EGFR: variants seen among roughly 807,000 people sequenced by gnomAD.
EGFR encodes epidermal growth factor receptor.
In EGFR, 58 loss-of-function variants were observed where a neutral mutation model predicts 143.0. The ratio of observed to expected loss-of-function variants is 0.41; its 90% confidence interval spans 0.33 to 0.50. EGFR has a LOEUF of 0.50. Ranked by LOEUF, EGFR falls within the 20% of genes least tolerant of loss-of-function variation. The pLI is 0.39. For synonymous variants in EGFR, 613 were observed against 594.4 expected (o/e 1.03, Z -0.45); for missense variants, 1,307 against 1,579.0 (o/e 0.83, Z 2.92).
intron 18 of EGFR, 53 bp downstream of exon 18, chr7:55,174,096 T>G (rs968703821): frequency 7.6e-5 from 122 of 1,612,314 alleles, no homozygotes; most frequent in Middle Eastern, 1.7e-4. Context: ...TCTCATGGTC[T>G]GGTGGGGAGC....
intron 1 of EGFR, among the ~76,000 whole-genome samples, chr7:55,034,303 G>A (rs762237748): frequency 1.1e-4 from 16 of 151,986 alleles, no homozygotes; most frequent in Non-Finnish European, 2.1e-4. Flanking sequence ...GCCCGACCTC[G>A]GCTCACTGCA....
intron 1 of EGFR, among the ~76,000 whole-genome samples, chr7:55,028,026 A>ATATG (rs1491096841): frequency 1.1e-4 from 12 of 105,758 alleles, no homozygotes; most frequent in South Asian, 3.0e-4. Flanking sequence ...ATATATATAT[A>ATATG]CACACACACA....
rs17337367 is a variant in EGFR, at chr7:55,192,922, C to T, written c.2701+81C>T. The stretch of plus-strand genomic sequence containing the variant: ...TGTTAGTTAATTTACATTATATCCT[C>T]TGACATGCAAGTATTTTCTTTCGAG... On this transcript the variant is annotated intron_variant, in intron 22 of 27. Transcript: ENST00000275493. The T allele has an allele frequency of 4.8e-4, 571 of 1,185,164 alleles. 3 individuals are homozygous for T. In the South Asian group the frequency reaches 6.7e-3, roughly 14 times the overall value. The allele number at this position is 1,185,164 out of a possible 1,614,324, so 73.4% of individuals were successfully genotyped here.
intron 1 of EGFR, among the ~76,000 whole-genome samples, chr7:55,060,633 A>T (rs929036340): frequency 6.6e-6 from 1 of 152,316 alleles, no homozygotes; most frequent in South Asian, 2.1e-4. Context: ...CCCCTTCAGG[A>T]AATGACTTTT....
chr7:55,083,029 C>A (rs931274710), intron 1 of EGFR, among the ~76,000 whole-genome samples: 3 of 152,028 alleles, frequency 2.0e-5, no homozygotes, highest in Non-Finnish European at 4.4e-5. Context: ...GTCTGTGTTT[C>A]CATCTCCTTA....
chr7:55,202,937 G>C, intron 27 of EGFR: 1 of 615,852 alleles, frequency 1.6e-6, no homozygotes, highest in South Asian at 1.9e-5. Context: ...GTGTACATCT[G>C]TGTATGTGTG....
intron 1 of EGFR, 73 bp downstream of exon 1, chr7:55,019,438 G>A: frequency 3.2e-6 from 3 of 943,086 alleles, no homozygotes; most frequent in South Asian, 4.9e-5. Flanking sequence ...GCCCAACCGC[G>A]CACCGGCGCA....
rs770879879 is a variant in EGFR at position 55,155,875 on chromosome 7, G to C, written c.935G>C (p.Gly312Ala). The C allele has an allele frequency of 6.2e-7, 1 of 1,614,056 alleles. No individual in the cohort carries two copies. The highest frequency in any genetic ancestry group is 2.2e-5 in the East Asian group (1 of 44,854). Reference protein sequence around the residue: ...TDHGSCVRACGADSYEMEEDG... With the variant: ...TDHGSCVRACAADSYEMEEDG... ...CACGGCTCGTGCGTCCGAGCCTGTG[G>C]GGCCGACAGCTATGAGATGGAGGAA... The change falls in exon 8 of 28, where the codon GGG (glycine) becomes GCG (alanine). Residue 312 changes from glycine (G) to alanine (A), a missense_variant. This residue lies in a region of EGFR where 311 missense variants were observed against 412.3 expected (regional missense o/e 0.75). Coordinates refer to ENST00000275493, the MANE Select transcript of EGFR (RefSeq NM_005228.5).
intron 1 of EGFR, among the ~76,000 whole-genome samples, chr7:55,110,263 G>T (rs1050559871): frequency 6.6e-6 from 1 of 152,138 alleles, no homozygotes; most frequent in Admixed American, 6.5e-5. Context: ...TCCTATTTAT[G>T]TATTCTGTGC....
chr7:55,106,185 C>A (rs1190895848), intron 1 of EGFR, among the ~76,000 whole-genome samples: 1 of 152,210 alleles, frequency 6.6e-6, no homozygotes, highest in East Asian at 1.9e-4. Context: ...CAGTGCAGGG[C>A]AGTGCTGATA....
At chr7:55,203,355 A>G (rs181716675) in intron 27 of EGFR, among the ~76,000 whole-genome samples, 1 of 150,252 alleles carries the variant, frequency 6.7e-6, no homozygotes, top group Non-Finnish European at 1.5e-5. Context: ...ATATACACAC[A>G]TACACCATGC....
intron 1 of EGFR, among the ~76,000 whole-genome samples, chr7:55,051,476 G>C (rs2128874282): frequency 6.7e-6 from 1 of 149,130 alleles, no homozygotes. Context: ...TGGCTACCAT[G>C]CTCTCTTGCT....
chr7:55,063,977 A>T (rs12669701), intron 1 of EGFR, among the ~76,000 whole-genome samples: 39,973 of 152,174 alleles, frequency 0.26, 7,081 homozygotes, highest in East Asian at 0.87. Context: ...AAATCTAATT[A>T]AAAAAATTAT....
chr7:55,182,033 C>A (rs888905204), intron 20 of EGFR: 1 of 182,096 alleles, frequency 5.5e-6, no homozygotes, highest in Non-Finnish European at 1.2e-5. Flanking sequence ...GCTGAGAGAG[C>A]AGAGTGGTCA....
At chr7:55,095,444 G>T (rs1791402430) in intron 1 of EGFR, among the ~76,000 whole-genome samples, 1 of 152,176 alleles carries the variant, frequency 6.6e-6, no homozygotes, top group African/African-American at 2.4e-5. Context: ...CTGCTTCAGT[G>T]GGTCCTGAAT....
chr7:55,109,980 C>T, intron 1 of EGFR: 1 of 981,604 alleles, frequency 1.0e-6, no homozygotes, highest in Non-Finnish European at 1.2e-6. Flanking sequence ...CATGAGGAGG[C>T]ACAGAAAGAA....
chr7:55,142,520 T>G, intron 2 of EGFR, 83 bp downstream of exon 2: 1 of 1,562,362 alleles, frequency 6.4e-7, no homozygotes, highest in Non-Finnish European at 8.7e-7. Context: ...CCACTTGAAG[T>G]GTGTTTATTT....
intron 17 of EGFR, 110 bp from the exon 18 acceptor site, chr7:55,173,811 C>G (rs2128953289): frequency 6.3e-7 from 1 of 1,578,426 alleles, no homozygotes; most frequent in Non-Finnish European, 8.7e-7. Flanking sequence ...GTCCTGGCAC[C>G]CAAGCCCATG....
intron 15 of EGFR, among the ~76,000 whole-genome samples, chr7:55,167,357 GTGGTGTTGA>G (rs1241687271): frequency 8.8e-5 from 12 of 136,542 alleles, no homozygotes; most frequent in Admixed American, 1.4e-4. Context: ...CACAATGGTG[GTGGTGTTGA>G]TGGTGGTGAT....
Sources: allele counts gnomAD v4.1 joint callset (sites outside exome capture counted in the v4.1 genomes callset), GRCh38; gene constraint gnomAD v4.1.1; regional missense constraint gnomAD v4.1.1; transcripts MANE v1.5; gene names NCBI Gene and HGNC (gene_info 2026-07-23, HGNC 2026-07-21).